The following PRR11 variants were observed in gnomAD, a reference collection of about 807,000 sequenced individuals.
The protein encoded by PRR11 is proline-rich protein 11.
In PRR11, 30 loss-of-function variants were observed where a neutral mutation model predicts 45.6. The observed-to-expected ratio is 0.66, with a 90% CI of 0.49 to 0.89. PRR11 has a LOEUF of 0.89. Ranked by LOEUF, PRR11 falls within the 40% of genes least tolerant of loss-of-function variation. The probability of loss-of-function intolerance (pLI) is 0.00; values close to 1 mark genes in which losing one functional copy is unlikely to be tolerated. For missense variants in PRR11, 373 were observed against 424.8 expected, an observed-to-expected ratio of 0.88 and a Z score of 1.07; for synonymous variants, 128 against 153.5, an observed-to-expected ratio of 0.83 and a Z score of 1.23.
At chr17:59,196,851 TTTTTTTTC>T (rs1819790027) in intron 7 of PRR11, among the ~76,000 whole-genome samples, 1 of 151,790 alleles carries the variant, frequency 6.6e-6, no homozygotes, top group East Asian at 1.9e-4. Context: ...TCTACTGCTA[TTTTTTTTC>T]TTTTTTTCTT....
chr17:59,161,421 A>G (rs547320066), intron 1 of PRR11, among the ~76,000 whole-genome samples: 1 of 151,458 alleles, frequency 6.6e-6, no homozygotes, highest in Non-Finnish European at 1.5e-5. Context: ...AAAAAAAAAA[A>G]AACAAAAACA....
At chr17:59,186,524 A>G (rs1160719276) in intron 4 of PRR11, among the ~76,000 whole-genome samples, 1 of 148,158 alleles carries the variant, frequency 6.7e-6, no homozygotes, top group African/African-American at 2.5e-5. Flanking sequence ...CCTCCCTTGT[A>G]GCTGGGACCA....
In PRR11 at chr17:59,193,442, G is replaced by A. The variant is rs778422635; in HGVS notation, c.403-50G>A. 3 of 1,607,330 alleles carry A rather than the reference G, an allele frequency of 1.9e-6. No homozygotes were observed. The Admixed American group carries it at 5.0e-5, about 27-fold the overall frequency. ...TTATTTTGATGACTCTCACCCTCAA[G>A]AATCAAATTAACTTGTTATTTATTT... On this transcript the variant is annotated intron_variant, in intron 4 of 9. Coordinates refer to ENST00000262293, the MANE Select transcript of PRR11 (RefSeq NM_018304.4).
intron 6 of PRR11, 80 bp from the exon 7 acceptor site, chr17:59,195,251 A>T: frequency 9.3e-7 from 1 of 1,079,980 alleles, no homozygotes; most frequent in Non-Finnish European, 1.4e-6. Flanking sequence ...CAGCACTCAG[A>T]TATTTGCCGT....
chr17:59,201,015 A>C (rs1335815061), intron 9 of PRR11, among the ~76,000 whole-genome samples: 2 of 151,728 alleles, frequency 1.3e-5, no homozygotes, highest in African/African-American at 2.4e-5. Flanking sequence ...TTAGTTCTTT[A>C]GTGGTGATTT....
intron 7 of PRR11, among the ~76,000 whole-genome samples, chr17:59,196,046 C>T (rs2046864312): frequency 6.8e-6 from 1 of 147,456 alleles, no homozygotes; most frequent in African/African-American, 2.5e-5. Flanking sequence ...AGTGATTGTG[C>T]CACTGTACTC....
At chr17:59,197,293 C>G (rs1195530242) in intron 7 of PRR11, among the ~76,000 whole-genome samples, 1 of 151,370 alleles carries the variant, frequency 6.6e-6, no homozygotes, top group Non-Finnish European at 1.5e-5. Flanking sequence ...GCTCTATTGC[C>G]CAGGCTGGAG....
intron 1 of PRR11, among the ~76,000 whole-genome samples, chr17:59,158,464 A>C (rs2046636442): frequency 6.6e-6 from 1 of 152,218 alleles, no homozygotes; most frequent in African/African-American, 2.4e-5. Context: ...TTTATGTTAG[A>C]AAACAAAAGC....
intron 2 of PRR11, among the ~76,000 whole-genome samples, chr17:59,182,773 C>T (rs2046795105): frequency 6.6e-6 from 1 of 152,154 alleles, no homozygotes; most frequent in Admixed American, 6.6e-5. Context: ...ACTTCATCAT[C>T]CACCACCTCC....
chr17:59,164,534 G>A (rs1268908120), intron 1 of PRR11, among the ~76,000 whole-genome samples: 2 of 151,972 alleles, frequency 1.3e-5, no homozygotes, highest in Non-Finnish European at 2.9e-5. Flanking sequence ...GACTGTGAAG[G>A]ATCAGATGGA....
intron 6 of PRR11, among the ~76,000 whole-genome samples, 173 bp downstream of exon 6, chr17:59,195,028 C>T (rs1462825706): frequency 1.3e-5 from 2 of 152,032 alleles, no homozygotes; most frequent in East Asian, 1.9e-4. Context: ...CAATTGGGGT[C>T]GGGGGTGCTG....
chr17:59,164,333 A>T (rs1023573849), intron 1 of PRR11, among the ~76,000 whole-genome samples: 6 of 152,090 alleles, frequency 3.9e-5, no homozygotes, highest in African/African-American at 1.4e-4. Context: ...ATTATCCTGA[A>T]AATTCTTATC....
chr17:59,186,145 T>C (rs2147850003), intron 4 of PRR11, among the ~76,000 whole-genome samples: 1 of 152,246 alleles, frequency 6.6e-6, no homozygotes, highest in African/African-American at 2.4e-5. Flanking sequence ...TTTCTAGAGA[T>C]GGGATCTCAC....
At chr17:59,162,624 A>G (rs1027708498) in intron 1 of PRR11, among the ~76,000 whole-genome samples, 4 of 151,618 alleles carry the variant, frequency 2.6e-5, no homozygotes, top group African/African-American at 9.7e-5. Flanking sequence ...ATTTACCTCC[A>G]TATTTCTAAG....
In PRR11 at chr17:59,184,858, T is replaced by G. The variant is rs1363037354; in HGVS notation, c.129-196T>G. On this transcript the variant is annotated intron_variant, in intron 2 of 9. Transcript: ENST00000262293. The stretch of plus-strand genomic sequence containing the variant: ...CCACCATGCCTGATTAAGTTTTTTT[T>G]TTTTTTTTTTTTTTTTTTGGCAGGG... 5.1e-4 allele frequency among the ~76,000 whole-genome samples: 72 copies of G among 141,598 alleles called. 1 individual carries two copies. In the East Asian group the frequency reaches 0.014, roughly 28 times the overall value. The allele number at this position is 141,598 out of a possible 152,430, so 92.9% of individuals were successfully genotyped here. A position where few individuals can be genotyped will look rare whatever the true frequency, so the allele number is the denominator to read the frequency against.
chr17:59,161,701 A>T (rs1372828263), intron 1 of PRR11, among the ~76,000 whole-genome samples: 1 of 152,182 alleles, frequency 6.6e-6, no homozygotes, highest in Admixed American at 6.5e-5. Context: ...GAGAGCTGAG[A>T]TCACACCACT....
chr17:59,185,400 A>G lies in PRR11; in HGVS notation c.280-40A>G, dbSNP rs369073534. 40 of 1,576,950 alleles carry G rather than the reference A, an allele frequency of 2.5e-5. No homozygotes were observed. The African/African-American group carries it at 5.2e-4, about 21-fold the overall frequency. On this transcript the variant is annotated intron_variant, in intron 3 of 9. Transcript: ENST00000262293. The stretch of plus-strand genomic sequence containing the variant: ...GTTCCTGTTTTCTTGTCCTTATCAT[A>G]TTACTCATAGGACTCAGAATTGTTT...
intron 7 of PRR11, among the ~76,000 whole-genome samples, chr17:59,196,404 T>C (rs771808857): frequency 3.9e-5 from 6 of 152,088 alleles, no homozygotes; most frequent in Non-Finnish European, 5.9e-5. Flanking sequence ...TGAGATGGAG[T>C]CTTGCTCTGT....
In PRR11 at chr17:59,206,479, G is replaced by A. The variant is rs1275063047; in HGVS notation, c.*4848G>A. On this transcript the variant is annotated 3_prime_UTR_variant, in exon 10 of 10. Coordinates refer to ENST00000262293, the MANE Select transcript of PRR11 (RefSeq NM_018304.4). Reference sequence around the variant, plus strand: ...CAAAGCTGCTACTGCCATTGTACCAGTGTTAAAATGTGTTCTACCTTGCAT... The same window carrying A: ...CAAAGCTGCTACTGCCATTGTACCAATGTTAAAATGTGTTCTACCTTGCAT... Among the ~76,000 whole-genome samples the A allele has an allele frequency of 1.3e-5, 2 of 151,860 alleles. No homozygotes were observed. The highest frequency in any genetic ancestry group is 2.9e-5 in the Non-Finnish European group (2 of 68,014).
Sources: gnomAD v4.1 joint callset for allele counts (sites outside exome capture counted in the v4.1 genomes callset) on GRCh38, gnomAD v4.1.1 for gene constraint, MANE v1.5 for transcripts, NCBI Gene and HGNC (gene_info 2026-07-23, HGNC 2026-07-21) for gene names.